KCNU1: variants seen among roughly 807,000 people sequenced by gnomAD.
KCNU1 encodes potassium channel subfamily U member 1.
A neutral mutation model predicts 126.8 loss-of-function variants in KCNU1; 93 were observed. That is an observed-to-expected ratio of 0.73 (90% CI 0.62 to 0.87). The LOEUF (loss-of-function observed/expected upper bound fraction) is 0.87. Among genes scored for constraint, KCNU1 ranks in the 40% least tolerant of loss-of-function variants. The pLI is 0.00. For synonymous variants in KCNU1, 523 were observed against 494.2 expected, an observed-to-expected ratio of 1.06 and a Z score of -0.77; for missense variants, 1,330 against 1,367.1, an observed-to-expected ratio of 0.97 and a Z score of 0.43.
rs147683676 is a variant in KCNU1 at position 36,911,156 on chromosome 8, G to A, written c.2521+37G>A. On this transcript the variant is annotated intron_variant, in intron 22 of 26. Transcript: ENST00000399881. ...ACCCCTGAAAAGAAGAAACTAGGAC[G>A]TATGGAAAAAAAGAGATAATTAACT... 2.6e-4 allele frequency: 391 copies of A among 1,493,758 alleles called. 3 individuals carry two copies. In the East Asian group the frequency reaches 4.8e-3, roughly 18 times the overall value. The allele number at this position is 1,493,758 out of a possible 1,614,324, so 92.5% of individuals were successfully genotyped here.
chr8:36,906,452 T>G (rs186786251), intron 20 of KCNU1, among the ~76,000 whole-genome samples: 1 of 152,266 alleles, frequency 6.6e-6, no homozygotes, highest in East Asian at 1.9e-4. Context: ...ACCCAGGGTC[T>G]GGCACCTGCT....
chr8:36,870,788 A>G (rs1342985932), intron 19 of KCNU1, among the ~76,000 whole-genome samples: 1 of 152,170 alleles, frequency 6.6e-6, no homozygotes, highest in Non-Finnish European at 1.5e-5. Flanking sequence ...TGGTTCTTTC[A>G]TTCATATAAG....
intron 19 of KCNU1, among the ~76,000 whole-genome samples, chr8:36,876,173 C>T (rs1322177555): frequency 6.6e-6 from 1 of 152,140 alleles, no homozygotes; most frequent in African/African-American, 2.4e-5. Context: ...TTCCATCATG[C>T]ATCCCCTAGG....
chr8:36,871,754 T>C (rs1806111618), intron 19 of KCNU1, among the ~76,000 whole-genome samples: 2 of 152,326 alleles, frequency 1.3e-5, no homozygotes, highest in South Asian at 4.1e-4. Context: ...GATGAGGAAG[T>C]GGCCCTCAGA....
chr8:36,909,278 A>T (rs1470804096), intron 20 of KCNU1, 33 bp from the exon 21 acceptor site: 4 of 1,413,416 alleles, frequency 2.8e-6, no homozygotes, highest in East Asian at 4.6e-5. Flanking sequence ...CTTGCTTATG[A>T]AAATGACCAG....
At chr8:36,860,053 G>A (rs1805673264) in intron 18 of KCNU1, among the ~76,000 whole-genome samples, 1 of 150,056 alleles carries the variant, frequency 6.7e-6, no homozygotes, top group Non-Finnish European at 1.5e-5. Flanking sequence ...ATTCCTAGTA[G>A]ATTATACTTA....
At chr8:36,841,072 T>C (rs1804941256) in intron 16 of KCNU1, 69 bp downstream of exon 16, 1 of 1,060,398 alleles carries the variant, frequency 9.4e-7, no homozygotes, top group African/African-American at 1.7e-5. Flanking sequence ...AGATTCTTTG[T>C]GATTAAGAAT....
chr8:36,807,952 A>G (rs2096478), intron 6 of KCNU1, among the ~76,000 whole-genome samples: 1 of 152,220 alleles, frequency 6.6e-6, no homozygotes, highest in African/African-American at 2.4e-5. Context: ...TAAGAACACA[A>G]TCCAAACTAG....
chr8:36,918,712 G>T, intron 22 of KCNU1, 111 bp from the exon 23 acceptor site: 1 of 733,708 alleles, frequency 1.4e-6, no homozygotes. Context: ...ATTTATACAT[G>T]AAAGTAACTT....
chr8:36,920,800 T>C (rs1808314458), intron 23 of KCNU1, among the ~76,000 whole-genome samples: 1 of 152,150 alleles, frequency 6.6e-6, no homozygotes, highest in South Asian at 2.1e-4. Context: ...GCACAGGAGA[T>C]GTGGATTGAT....
chr8:36,814,393 A>G lies in KCNU1; in HGVS notation c.903+16A>G. 1 of 1,556,860 alleles carries G rather than the reference A, an allele frequency of 6.4e-7. No homozygotes were observed. On this transcript the variant is annotated intron_variant, in intron 8 of 26. Coordinates refer to ENST00000399881, the MANE Select transcript of KCNU1 (RefSeq NM_001031836.3). ...GGGGAGTTTGGTGAAGAATATTTTT[A>G]ATATATTTTGAATATAGCTACATAA...
chr8:36,838,168 T>A (rs985365261), intron 14 of KCNU1, among the ~76,000 whole-genome samples: 1 of 152,226 alleles, frequency 6.6e-6, no homozygotes, highest in Non-Finnish European at 1.5e-5. Flanking sequence ...CATGTAGTGG[T>A]CACTGTATGC....
chr8:36,869,280 G>A (rs1806017574), intron 19 of KCNU1, among the ~76,000 whole-genome samples: 1 of 152,176 alleles, frequency 6.6e-6, no homozygotes, highest in Middle Eastern at 3.4e-3. Context: ...AGAGGAAAAC[G>A]TTTTTAATAG....
chr8:36,900,562 C>A (rs1438968785), intron 19 of KCNU1, among the ~76,000 whole-genome samples: 1 of 151,964 alleles, frequency 6.6e-6, no homozygotes, highest in Non-Finnish European at 1.5e-5. Flanking sequence ...CTTACATTCC[C>A]CAATTTTAGG....
intron 22 of KCNU1, among the ~76,000 whole-genome samples, chr8:36,911,599 T>A (rs192020565): frequency 5.9e-5 from 9 of 152,274 alleles, no homozygotes; most frequent in Non-Finnish European, 1.2e-4. Flanking sequence ...AGTATATGAA[T>A]TTTAGAAGAC....
intron 20 of KCNU1, among the ~76,000 whole-genome samples, chr8:36,908,114 T>C (rs1807708566): frequency 6.6e-6 from 1 of 152,176 alleles, no homozygotes; most frequent in Non-Finnish European, 1.5e-5. Flanking sequence ...GTTTTTTCTG[T>C]TACATCCCAG....
intron 16 of KCNU1, among the ~76,000 whole-genome samples, chr8:36,843,341 G>A (rs1272848449): frequency 2.0e-5 from 3 of 152,150 alleles, no homozygotes; most frequent in Non-Finnish European, 1.5e-5. Context: ...TGAATCAAAA[G>A]GATTAAGTTC....
intron 6 of KCNU1, 80 bp from the exon 7 acceptor site, chr8:36,808,638 A>G: frequency 1.2e-6 from 1 of 846,630 alleles, no homozygotes; most frequent in Non-Finnish European, 2.0e-6. Context: ...CACTTTGTGT[A>G]GCAACATCTT....
intron 18 of KCNU1, among the ~76,000 whole-genome samples, chr8:36,848,840 C>A (rs1188253013): frequency 6.6e-6 from 1 of 152,026 alleles, no homozygotes; most frequent in African/African-American, 2.4e-5. Flanking sequence ...ATTTTCCTGG[C>A]CTAGTCACCC....
Sources: gnomAD v4.1 joint callset for allele counts (sites outside exome capture counted in the v4.1 genomes callset) on GRCh38, gnomAD v4.1.1 for gene constraint, MANE v1.5 for transcripts, NCBI Gene and HGNC (gene_info 2026-07-23, HGNC 2026-07-21) for gene names.